Variants in CHD9NB observed in about 807,000 individuals in gnomAD.
CHD9NB encodes CHD9 neighbor protein.
chr16:53,042,858 T>C, the CHD9NB span: 1 of 152,462 alleles, frequency 6.6e-6, no homozygotes, highest in Non-Finnish European at 1.5e-5. Flanking sequence ...TGCTCCTTCC[T>C]GGCTGCCCAA....
chr16:53,051,178 C>T, the CHD9NB span, among the ~76,000 whole-genome samples: 1 of 151,914 alleles, frequency 6.6e-6, no homozygotes, highest in Non-Finnish European at 1.5e-5. Context: ...TGAGCCACTG[C>T]CTCTGGCCTG....
the CHD9NB span, among the ~76,000 whole-genome samples, chr16:53,050,636 G>A: frequency 6.6e-6 from 1 of 152,220 alleles, no homozygotes; most frequent in African/African-American, 2.4e-5. Flanking sequence ...GGACCAGAAT[G>A]TGACCAGTCT....
chr16:53,036,069 G>A, the CHD9NB span: 1 of 152,082 alleles, frequency 6.6e-6, no homozygotes, highest in Non-Finnish European at 1.5e-5. Context: ...TCCAAATTAG[G>A]TCACATTCAA....
the CHD9NB span, among the ~76,000 whole-genome samples, chr16:53,038,876 T>C: frequency 6.6e-6 from 1 of 152,220 alleles, no homozygotes; most frequent in Non-Finnish European, 1.5e-5. Context: ...TCTATATGTA[T>C]TGCATTTGGA....
chr16:53,043,002 C>G, the CHD9NB span: 1 of 152,264 alleles, frequency 6.6e-6, no homozygotes, highest in African/African-American at 2.4e-5. Flanking sequence ...CCTCTGTTCT[C>G]ACTCCTGTTC....
chr16:53,049,215 G>T, the CHD9NB span, among the ~76,000 whole-genome samples: 10 of 151,872 alleles, frequency 6.6e-5, no homozygotes, highest in African/African-American at 2.4e-4. Context: ...GCAGTGGAGC[G>T]ATCATGCATG....
chr16:53,043,913 C>T, the CHD9NB span: 1 of 398,198 alleles, frequency 2.5e-6, no homozygotes, highest in Non-Finnish European at 4.4e-6. Flanking sequence ...GTGATCGGAG[C>T]TTCTCAGGGT....
chr16:53,042,721 G>C, the CHD9NB span: 1 of 152,170 alleles, frequency 6.6e-6, no homozygotes, highest in South Asian at 2.1e-4. Flanking sequence ...AAAGAAAAAT[G>C]GTCCTCACTA....
chr16:53,052,007 G>A, the CHD9NB span, among the ~76,000 whole-genome samples: 57 of 151,050 alleles, frequency 3.8e-4, no homozygotes, highest in Non-Finnish European at 6.6e-4. Context: ...CAGTTTCTTC[G>A]CTGAGAAAGT....
the CHD9NB span, among the ~76,000 whole-genome samples, chr16:53,051,183 G>A: frequency 6.6e-6 from 1 of 151,454 alleles, no homozygotes; most frequent in Admixed American, 6.6e-5. Flanking sequence ...CACTGCCTCT[G>A]GCCTGATCCT....
chr16:53,050,001 C>T, the CHD9NB span, among the ~76,000 whole-genome samples: 5 of 151,964 alleles, frequency 3.3e-5, no homozygotes, highest in African/African-American at 7.3e-5. Flanking sequence ...GTCAGGAGTT[C>T]GAGACCAGCC....
chr16:53,045,463 C>T, the CHD9NB span, among the ~76,000 whole-genome samples: 1 of 152,192 alleles, frequency 6.6e-6, no homozygotes, highest in Non-Finnish European at 1.5e-5. Flanking sequence ...GTTTGGAACT[C>T]TTGTGCTCTA....
chr16:53,050,973 C>T, the CHD9NB span, among the ~76,000 whole-genome samples: 30 of 152,070 alleles, frequency 2.0e-4, no homozygotes, highest in African/African-American at 5.8e-4. Context: ...CTGCAAGCTC[C>T]GCCTCTCGGG....
the CHD9NB span, among the ~76,000 whole-genome samples, chr16:53,039,355 G>A: frequency 6.6e-6 from 1 of 152,136 alleles, no homozygotes; most frequent in Non-Finnish European, 1.5e-5. Flanking sequence ...TTCTCAAGCA[G>A]TCCCTTCTCA....
the CHD9NB span, among the ~76,000 whole-genome samples, chr16:53,038,421 C>T: frequency 1.3e-5 from 2 of 152,196 alleles, no homozygotes; most frequent in Non-Finnish European, 2.9e-5. Context: ...GACCTAGGCT[C>T]ACTGCAACCT....
At chr16:53,037,993 T>A in the CHD9NB span, among the ~76,000 whole-genome samples, 1 of 152,222 alleles carries the variant, frequency 6.6e-6, no homozygotes, top group Non-Finnish European at 1.5e-5. Flanking sequence ...GCCATTGGTA[T>A]GCTGGAGACC....
the CHD9NB span, among the ~76,000 whole-genome samples, chr16:53,052,041 T>C: frequency 6.6e-6 from 1 of 151,658 alleles, no homozygotes; most frequent in African/African-American, 2.4e-5. Flanking sequence ...GTGCCTACTT[T>C]GTAGGATTAC....
chr16:53,042,988 C>T, the CHD9NB span: 1 of 152,252 alleles, frequency 6.6e-6, no homozygotes, highest in Non-Finnish European at 1.5e-5. Flanking sequence ...CAACGGCTCC[C>T]TCGCCTCTGT....
the CHD9NB span, among the ~76,000 whole-genome samples, chr16:53,044,657 G>A: frequency 6.6e-6 from 1 of 152,200 alleles, no homozygotes; most frequent in Non-Finnish European, 1.5e-5. Context: ...TCTTAGGACC[G>A]TGGACTCCCA....
Sources: allele counts gnomAD v4.1 joint callset (sites outside exome capture counted in the v4.1 genomes callset), GRCh38; gene constraint gnomAD v4.1.1; transcripts MANE v1.5; gene names NCBI Gene and HGNC (gene_info 2026-07-23, HGNC 2026-07-21).